DDO: variants seen among roughly 807,000 people sequenced by gnomAD.
DDO encodes D-aspartate oxidase.
DDO carries 16 observed loss-of-function variants against 16.8 expected under a neutral mutation model. The ratio of observed to expected loss-of-function variants is 0.95; its 90% CI spans 0.65 to 1.45. The LOEUF (loss-of-function observed/expected upper bound fraction) is 1.45. Among genes scored for constraint, DDO ranks in the 40% most tolerant of loss-of-function variants. The probability of loss-of-function intolerance (pLI) is 0.00; values close to 1 mark genes in which losing one functional copy is unlikely to be tolerated. For synonymous variants in DDO, 180 were observed against 167.2 expected, an observed-to-expected ratio of 1.08 and a Z score of -0.59; for missense variants, 429 against 420.3, an observed-to-expected ratio of 1.02 and a Z score of -0.18.
In DDO at chr6:110,392,182, T is replaced by C. The variant is rs1773119964; in HGVS notation, c.*593A>G. 1 of 985,408 alleles carries C rather than the reference T, an allele frequency of 1.0e-6. No homozygotes were observed. Among genetic ancestry groups the C allele is most frequent in the Admixed American group, 6.1e-5 (1 of 16,286 alleles). 61.0% of individuals were successfully genotyped at this position (985,408 alleles called of 1,614,324 possible). A position where few individuals can be genotyped will look rare whatever the true frequency, so the allele number is the denominator to read the frequency against. On this transcript the variant is annotated 3_prime_UTR_variant, in exon 5 of 5. Transcript: ENST00000368924. The stretch of plus-strand genomic sequence containing the variant: ...TTAAATGTAATAATCCAGCACTGTG[T>C]GAGCACAATGTAATTTTATTTAGAG...
downstream of DDO, chr6:110,391,678 C>A (rs546627320): frequency 3.3e-5 from 5 of 152,344 alleles, no homozygotes; most frequent in African/African-American, 9.6e-5. Context: ...TACTTCAATA[C>A]CAGCACTTCA....
At chr6:110,397,374 A>G (rs543322325) in intron 4 of DDO, among the ~76,000 whole-genome samples, 2 of 152,314 alleles carry the variant, frequency 1.3e-5, no homozygotes, top group South Asian at 4.1e-4. Context: ...CATTATTTGA[A>G]TATTATTTTG....
chr6:110,407,972 A>G (rs1461308793), intron 3 of DDO, among the ~76,000 whole-genome samples: 7 of 152,190 alleles, frequency 4.6e-5, no homozygotes, highest in Non-Finnish European at 1.0e-4. Context: ...CAGCCATCCC[A>G]ACATCATACC....
chr6:110,395,528 G>A (rs763871431), intron 4 of DDO, among the ~76,000 whole-genome samples: 7 of 152,016 alleles, frequency 4.6e-5, no homozygotes, highest in Non-Finnish European at 8.8e-5. Flanking sequence ...CGCAATCCAA[G>A]CCGTTTCAGG....
intron 3 of DDO, among the ~76,000 whole-genome samples, chr6:110,406,398 T>C (rs1773657026): frequency 6.6e-6 from 1 of 152,028 alleles, no homozygotes; most frequent in African/African-American, 2.4e-5. Context: ...CATCCTTGAT[T>C]CTCTCTCCCT....
intron 4 of DDO, among the ~76,000 whole-genome samples, chr6:110,394,630 C>CA (rs1773231569): frequency 6.6e-6 from 1 of 152,202 alleles, no homozygotes; most frequent in African/African-American, 2.4e-5. Context: ...GAGGAACTGG[C>CA]AGACAGAAGT....
intron 1 of DDO, among the ~76,000 whole-genome samples, chr6:110,414,854 A>G (rs145042657): frequency 2.7e-3 from 417 of 152,300 alleles, no homozygotes; most frequent in African/African-American, 9.9e-3. Flanking sequence ...CCACCCACAC[A>G]CAGAGGTTCA....
In DDO at chr6:110,393,179, C is replaced by T; in HGVS notation, c.622G>A (p.Ala208Thr). 1.2e-6 allele frequency: 2 copies of T among 1,614,228 alleles called. No homozygotes were observed. The highest frequency in any genetic ancestry group is 1.7e-6 in the Non-Finnish European group (2 of 1,180,042). Residue 208 changes from alanine to threonine, a missense_variant, in exon 5 of 5, where the codon GCT becomes ACT. Coordinates refer to ENST00000368924, the MANE Select transcript of DDO (RefSeq NM_001372108.2). ...CGGATAAAATGCTCCACCCAGGGAG[C>T]CTGAACTTGGAGGACTTGGCCCCTT... The part of the protein sequence containing the change: ...PVRGQVLQVQ[A>T]PWVEHFIRDG...
At chr6:110,397,044 T>A (rs1001841191) in intron 4 of DDO, among the ~76,000 whole-genome samples, 2 of 152,172 alleles carry the variant, frequency 1.3e-5, no homozygotes, top group African/African-American at 4.8e-5. Flanking sequence ...CCCTTTACCA[T>A]TCATATGACC....
chr6:110,401,792 C>T (rs1303471468), intron 4 of DDO, among the ~76,000 whole-genome samples: 1 of 152,084 alleles, frequency 6.6e-6, no homozygotes, highest in Non-Finnish European at 1.5e-5. Context: ...CATAGGAACT[C>T]GTTTCATGGG....
chr6:110,393,270 G>A lies in DDO; in HGVS notation c.531C>T (p.Asp177=). The change falls in exon 5 of 5, where the codon GAC becomes GAT. Residue 177 remains aspartate (D), a synonymous_variant. Transcript: ENST00000368924. ...CAAGGCCTGAACAGTTGACCACGAT[G>A]TCAAAGGACGGATGAAGTTCCCACA... ...EDLWELHPSF[D]IVVNCSGLGS... 3 of 1,613,938 alleles carry A rather than the reference G, an allele frequency of 1.9e-6. No homozygotes were observed. In the South Asian group the frequency reaches 3.3e-5, roughly 18 times the overall value.
At chr6:110,408,649 C>T (rs1268568281) in intron 2 of DDO, among the ~76,000 whole-genome samples, 1 of 152,186 alleles carries the variant, frequency 6.6e-6, no homozygotes, top group African/African-American at 2.4e-5. Flanking sequence ...CACATGCTGT[C>T]CAAATCTGCT....
At chr6:110,403,858 T>C (rs11966294) in intron 4 of DDO, among the ~76,000 whole-genome samples, 29,516 of 152,242 alleles carry the variant, frequency 0.19, 3,084 homozygotes, top group Middle Eastern at 0.23. Flanking sequence ...ATCCTTCTTT[T>C]TTACCAGCTT....
Position 110,392,545 on chromosome 6 carries a change from G to A in DDO, c.*230C>T. On this transcript the variant is annotated 3_prime_UTR_variant, in exon 5 of 5. Transcript: ENST00000368924. ...GTGGGAACTGGCACCTCTAAAAAAT[G>A]TTACCCAGATTGCACTCAAACTCCT... 8.2e-7 allele frequency: 1 copy of A among 1,212,342 alleles called. No homozygotes were observed. Among genetic ancestry groups the A allele is most frequent in the Non-Finnish European group, 1.0e-6 (1 of 976,152 alleles). The allele number at this position is 1,212,342 out of a possible 1,614,324, so 75.1% of individuals were successfully genotyped here.
chr6:110,405,643 G>A (rs1014955741), intron 3 of DDO, among the ~76,000 whole-genome samples: 1 of 152,166 alleles, frequency 6.6e-6, no homozygotes, highest in Non-Finnish European at 1.5e-5. Flanking sequence ...ATAATGCCAG[G>A]CATGGTGGCT....
At chr6:110,411,292 G>A (rs1420307911) in intron 2 of DDO, among the ~76,000 whole-genome samples, 1 of 151,990 alleles carries the variant, frequency 6.6e-6, no homozygotes, top group Non-Finnish European at 1.5e-5. Flanking sequence ...GCTGTTCAGG[G>A]TCCACTCATA....
At chr6:110,413,252 A>T (rs368258668) in intron 2 of DDO, 39 bp downstream of exon 2, 1 of 1,598,942 alleles carries the variant, frequency 6.3e-7, no homozygotes, top group African/African-American at 1.3e-5. Flanking sequence ...ATTCTATCTG[A>T]CATCTATTGT....
At chr6:110,390,975 T>C (rs1283206469), downstream of DDO, among the ~76,000 whole-genome samples, 1 of 152,186 alleles carries the variant, frequency 6.6e-6, no homozygotes, top group Non-Finnish European at 1.5e-5. Context: ...TCATTTCTAG[T>C]CATTTCTAAA....
At chr6:110,403,505 T>C (rs1442132525) in intron 4 of DDO, among the ~76,000 whole-genome samples, 3 of 152,134 alleles carry the variant, frequency 2.0e-5, no homozygotes, top group Non-Finnish European at 2.9e-5. Context: ...TGTAGACAAG[T>C]CCAAACTTGG....
Sources: gnomAD v4.1 joint callset for allele counts (sites outside exome capture counted in the v4.1 genomes callset) on GRCh38, gnomAD v4.1.1 for gene constraint, MANE v1.5 for transcripts, NCBI Gene and HGNC (gene_info 2026-07-23, HGNC 2026-07-21) for gene names.